Variants in SETD1A observed in about 807,000 individuals in gnomAD.
SETD1A encodes histone-lysine N-methyltransferase SETD1A.
Under a neutral mutation model 149.9 loss-of-function variants are expected in SETD1A, and 29 were observed. That is an observed-to-expected ratio of 0.19 (90% CI 0.14 to 0.26). SETD1A has a LOEUF of 0.26. Ranked by LOEUF, SETD1A falls within the 10% of genes least tolerant of loss-of-function variation. The pLI is 1.00. For missense variants in SETD1A, 2,109 were observed against 2,353.1 expected (o/e 0.90, Z 2.15); for synonymous variants, 1,141 against 968.5 (o/e 1.18, Z -3.31).
intron 1 of SETD1A, 41 bp from the exon 2 acceptor site, chr16:30,958,676 C>T: frequency 2.6e-6 from 4 of 1,559,200 alleles, no homozygotes; most frequent in Non-Finnish European, 3.5e-6. Flanking sequence ...AGTCAGGCCC[C>T]AAGTCCTGAT....
rs143858496 is a variant in SETD1A, at chr16:30,961,164, C to T, written c.247-103C>T. On this transcript the variant is annotated intron_variant, in intron 3 of 18. Coordinates refer to ENST00000262519, the MANE Select transcript of SETD1A (RefSeq NM_014712.3). The surrounding 1 kb of genome is among the most constrained non-coding windows in gnomAD (Gnocchi z 4.0). ...CCCCTTCCCTTGCCCCTCACTTTCC[C>T]GGATCTCTCTCTTGACTTCATGGAG... 30 of 1,244,984 alleles carry T rather than the reference C, an allele frequency of 2.4e-5. No individual in the cohort carries two copies. The highest frequency in any genetic ancestry group is 1.1e-4 in the Admixed American group (5 of 47,494). The allele number at this position is 1,244,984 out of a possible 1,614,324, so 77.1% of individuals were successfully genotyped here.
rs779189604 is a variant in SETD1A at position 30,964,108 on chromosome 16, C to T, written c.654C>T (p.Arg218=). ...GAATETAESR[R]RSSSDTAAYP... is the part of the protein sequence containing the mutation. ...TGTCGCTCTAGGCCGAATCCCGCCG[C>T]CGCTCTTCCTCTGACACAGCTGCCT... The change falls in exon 6 of 19, where the codon CGC becomes CGT. Residue 218 remains arginine (R), a synonymous_variant. Transcript: ENST00000262519. The T allele has an allele frequency of 4.3e-6, 7 of 1,613,214 alleles. No homozygotes were observed. The South Asian group carries it at 7.7e-5, about 18-fold the overall frequency.
chr16:30,964,012 A>G (rs1596673225), intron 5 of SETD1A, 82 bp from the exon 6 acceptor site: 4 of 1,109,768 alleles, frequency 3.6e-6, no homozygotes, highest in East Asian at 4.7e-5. Flanking sequence ...AAAGGGAACT[A>G]GGATTCCTGG....
rs140959641 is a variant in SETD1A, at chr16:30,980,564, C to T, written c.4488C>T (p.Ser1496=). Residue 1496 remains serine, a synonymous_variant, in exon 15 of 19, where the codon AGC becomes AGT. Transcript: ENST00000262519. The surrounding 1 kb of genome is among the most constrained non-coding windows in gnomAD (Gnocchi z 7.7). ...PREHQTGSAR[S]EGYYPISKKE... is the part of the protein sequence containing the mutation. ...AGCACCAGACAGGCTCAGCCCGCAG[C>T]GAAGGCTACTACCCCATCAGCAAGA... is the stretch of plus-strand genomic sequence containing the variant. 5.5e-5 allele frequency: 88 copies of T among 1,614,010 alleles called. No individual in the cohort carries two copies. Among genetic ancestry groups the T allele is most frequent in the Middle Eastern group, 4.9e-4 (3 of 6,084 alleles).
Position 30,980,750 on chromosome 16 carries a change from C to T in SETD1A, c.4593C>T (p.Arg1531=), listed in dbSNP as rs767366827. Residue 1531 remains arginine, a synonymous_variant, in exon 16 of 19, where the codon CGC becomes CGT. Transcript: ENST00000262519. The surrounding 1 kb of genome is among the most constrained non-coding windows in gnomAD (Gnocchi z 7.7). ...CGTGTGTCTCACAGGGGACGAACCG[C>T]GTGCTGTCCGAGCGCCGGTCCGAGC... ...LEGVDTQGTN[R]VLSERRSEQR... The T allele has an allele frequency of 9.3e-6, 15 of 1,612,676 alleles. No homozygotes were observed. The highest frequency in any genetic ancestry group is 2.7e-5 in the African/African-American group (2 of 75,064).
chr16:30,964,692 C>T lies in SETD1A; in HGVS notation c.950C>T (p.Ser317Phe). 3 of 1,614,178 alleles carry T rather than the reference C, an allele frequency of 1.9e-6. No homozygotes were observed. Among genetic ancestry groups the T allele is most frequent in the Non-Finnish European group, 2.5e-6 (3 of 1,180,046 alleles). Reference sequence around the variant, plus strand: ...TTTTCCCGCCGCCACTTCTCTGCATCTTCAGCCTCCACAACCGCCTCCACG... The same window carrying T: ...TTTTCCCGCCGCCACTTCTCTGCATTTTCAGCCTCCACAACCGCCTCCACG... ...DAFSRRHFSASSASTTASTAI... is the reference protein window; with the variant it reads ...DAFSRRHFSAFSASTTASTAI... The change falls in exon 7 of 19, where the codon TCT becomes TTT. Residue 317 changes from serine (S) to phenylalanine (F), a missense_variant. This residue lies in a region of SETD1A where 410 missense variants were observed against 394.8 expected (regional missense o/e 1.04). Coordinates refer to ENST00000262519, the MANE Select transcript of SETD1A (RefSeq NM_014712.3).
rs748669680 is a variant in SETD1A at position 30,980,956 on chromosome 16, G to T, written c.4693-105G>T. 5.7e-6 allele frequency: 9 copies of T among 1,575,724 alleles called. No homozygotes were observed. Among genetic ancestry groups the T allele is most frequent in the African/African-American group, 1.3e-5 (1 of 74,308 alleles). On this transcript the variant is annotated intron_variant, in intron 16 of 18. Transcript: ENST00000262519. The surrounding 1 kb of genome is among the most constrained non-coding windows in gnomAD (Gnocchi z 7.7). ...CCTGTGGTTCCCTCGGGTGGAGTTG[G>T]GGGGTAAGCAGCCAGAACACCCTCT...
chr16:30,972,896 C>T (rs1356828914), intron 13 of SETD1A, among the ~76,000 whole-genome samples: 3 of 151,808 alleles, frequency 2.0e-5, no homozygotes, highest in South Asian at 2.1e-4. Flanking sequence ...CCTGTGGTTA[C>T]GAACCATGAG....
Position 30,965,820 on chromosome 16 carries a change from C to T in SETD1A, c.1939C>T (p.Pro647Ser). The change falls in exon 8 of 19, where the codon CCC becomes TCC. Residue 647 changes from proline to serine, a missense_variant. Around this residue, in one of 8 missense-constraint regions of SETD1A, gnomAD observed 431 missense variants for 388.6 expected, o/e 1.11. Transcript: ENST00000262519. ...TGATGGGCCGCCGCCCCCTGAGTAC[C>T]CCCCACCTCCTCCACCACCCCCGCA... ...RPDGPPPPEY[P>S]PPPPPPPHIY... is the part of the protein sequence containing the mutation. 1 of 1,598,256 alleles carries T rather than the reference C, an allele frequency of 6.3e-7. No homozygotes were observed. The highest frequency in any genetic ancestry group is 8.5e-7 in the Non-Finnish European group (1 of 1,170,936).
At chr16:30,971,347 C>G (rs375863434) in intron 12 of SETD1A, 31 bp from the exon 13 acceptor site, 6 of 1,552,746 alleles carry the variant, frequency 3.9e-6, no homozygotes, top group African/African-American at 2.7e-5. Context: ...GGTCTGCCCA[C>G]CTCTCCTGAC....
rs187404717 is a variant in SETD1A, at chr16:30,979,374, C to T, written c.3588C>T (p.Ser1196=). 6.2e-7 allele frequency: 1 copy of T among 1,612,748 alleles called. No individual in the cohort carries two copies. The highest frequency in any genetic ancestry group is 2.2e-5 in the East Asian group (1 of 44,852). The part of the protein sequence containing the change: ...PPQAKFPGPA[S]RKAPRGVERT... ...AGGCCAAGTTTCCCGGCCCAGCCTC[C>T]CGCAAGGCTCCCCGGGGCGTGGAGC... Residue 1196 remains serine (S), a synonymous_variant, in exon 14 of 19, where the codon TCC becomes TCT. Coordinates refer to ENST00000262519, the MANE Select transcript of SETD1A (RefSeq NM_014712.3).
At chr16:30,976,219 TAAC>T (rs937217867) in intron 13 of SETD1A, among the ~76,000 whole-genome samples, 4 of 152,042 alleles carry the variant, frequency 2.6e-5, no homozygotes, top group African/African-American at 7.2e-5. Context: ...CCAGTCTGGC[TAAC>T]AACAACAACA....
In SETD1A at chr16:30,965,142, G is replaced by A. The variant is rs371241675; in HGVS notation, c.1400G>A (p.Arg467His). 367 of 1,612,546 alleles carry A rather than the reference G, an allele frequency of 2.3e-4. 1 individual carries two copies. The highest frequency in any genetic ancestry group is 2.9e-4 in the Non-Finnish European group (347 of 1,179,678). ...TCCCCCCGCCCAGCCTCCCCTGCCC[G>A]CTCTGGCTCCCCAGCCCCGGAGACC... ...RTSPRPASPA[R>H]SGSPAPETTN... Residue 467 changes from arginine to histidine, a missense_variant, in exon 7 of 19, where the codon CGC (arginine) becomes CAC (histidine). Physicochemically the swap from Arg to His is conservative, Grantham distance 29 (BLOSUM62 0). This residue lies in a region of SETD1A where 410 missense variants were observed against 394.8 expected (regional missense o/e 1.04). Coordinates refer to ENST00000262519, the MANE Select transcript of SETD1A (RefSeq NM_014712.3).
chr16:30,966,516 A>G, intron 8 of SETD1A, 130 bp downstream of exon 8: 3 of 1,395,622 alleles, frequency 2.1e-6, no homozygotes, highest in African/African-American at 1.5e-5. Context: ...CAGGCCCTGC[A>G]GGCCACCCTG....
chr16:30,972,798 G>A (rs1056591616), intron 13 of SETD1A, among the ~76,000 whole-genome samples: 15 of 151,676 alleles, frequency 9.9e-5, no homozygotes, highest in South Asian at 2.1e-4. Flanking sequence ...AGGTTGTAGT[G>A]AGCCAAGATC....
intron 3 of SETD1A, among the ~76,000 whole-genome samples, chr16:30,959,435 C>G (rs1391292980): frequency 6.6e-6 from 1 of 152,138 alleles, no homozygotes; most frequent in African/African-American, 2.4e-5. Context: ...GGTAAAGACT[C>G]TTTAGCTGCT....
chr16:30,964,471 G>A (rs998286785), intron 6 of SETD1A, 141 bp from the exon 7 acceptor site: 13 of 1,438,908 alleles, frequency 9.0e-6, no homozygotes, highest in Admixed American at 6.0e-5. Flanking sequence ...TGCTGTCCTC[G>A]GGGAACACAC....
In SETD1A at chr16:30,965,466, G is replaced by C. The variant is rs2056127602; in HGVS notation, c.1719+5G>C. ...AAGGCAAATGGACAGAACCAGGTGAGGTTGGGGTCAGCCAGAGGAGGCACC... is the reference window on the plus strand; with the variant it reads ...AAGGCAAATGGACAGAACCAGGTGACGTTGGGGTCAGCCAGAGGAGGCACC... On this transcript the variant is annotated splice_donor_5th_base_variant and intron_variant, in intron 7 of 18. Coordinates refer to ENST00000262519, the MANE Select transcript of SETD1A (RefSeq NM_014712.3). 1 of 1,590,156 alleles carries C rather than the reference G, an allele frequency of 6.3e-7. No homozygotes were observed. The highest frequency in any genetic ancestry group is 8.6e-7 in the Non-Finnish European group (1 of 1,164,008).
chr16:30,960,111 C>T (rs954715419), intron 3 of SETD1A, among the ~76,000 whole-genome samples: 1 of 152,284 alleles, frequency 6.6e-6, no homozygotes, highest in East Asian at 1.9e-4. Context: ...TTTCTATTCT[C>T]ATTGCCACTT....
Sources: gnomAD v4.1 joint callset for allele counts (sites outside exome capture counted in the v4.1 genomes callset) on GRCh38, gnomAD v4.1.1 for gene constraint, gnomAD v4.1.1 regional missense constraint, Gnocchi (gnomAD v3.1) non-coding constraint, MANE v1.5 for transcripts, NCBI Gene and HGNC (gene_info 2026-07-23, HGNC 2026-07-21) for gene names.